SMPDL3A: variants seen among roughly 807,000 people sequenced by gnomAD.
SMPDL3A encodes the protein cyclic GMP-AMP phosphodiesterase SMPDL3A.
SMPDL3A carries 39 observed loss-of-function variants against 38.5 expected under a neutral mutation model. The ratio of observed to expected loss-of-function variants is 1.01; its 90% CI spans 0.78 to 1.32. SMPDL3A has a LOEUF of 1.32. SMPDL3A is among the 40% of genes most tolerant of loss of function. The probability of loss-of-function intolerance (pLI) is 0.00; values close to 1 mark genes in which losing one functional copy is unlikely to be tolerated. For synonymous variants in SMPDL3A, 180 were observed against 194.3 expected (o/e 0.93, Z 0.61); for missense variants, 502 against 536.2 (o/e 0.94, Z 0.63).
At chr6:122,804,885 G>A in intron 5 of SMPDL3A, 24 bp from the exon 6 acceptor site, 6 of 1,580,996 alleles carry the variant, frequency 3.8e-6, no homozygotes, top group Non-Finnish European at 5.1e-6. Flanking sequence ...TTCTCATGAG[G>A]CCTTTTTGTG....
chr6:122,806,340 C>T lies in SMPDL3A; in HGVS notation c.1027C>T (p.Arg343Cys), dbSNP rs774338598. The stretch of plus-strand genomic sequence containing the variant: ...TATCAGACTGTTTCAGTATGATCCT[C>T]GTGATTATAAATTATTGGTAAGTTG... Reference protein sequence around the residue: ...PGIRLFQYDPRDYKLLDMLQY... With the variant: ...PGIRLFQYDPCDYKLLDMLQY... The change falls in exon 7 of 8, where the codon CGT (arginine) becomes TGT (cysteine). Residue 343 changes from arginine to cysteine, a missense_variant. Physicochemically the swap from Arg to Cys is radical, Grantham distance 180. Transcript: ENST00000368440. 14 of 1,607,772 alleles carry T rather than the reference C, an allele frequency of 8.7e-6. No homozygotes were observed. In the East Asian group the frequency reaches 8.9e-5, roughly 10 times the overall value.
chr6:122,797,592 C>T (rs537993477), intron 3 of SMPDL3A, among the ~76,000 whole-genome samples: 73 of 152,222 alleles, frequency 4.8e-4, no homozygotes, highest in Middle Eastern at 3.4e-3. Context: ...GATGGCCGTC[C>T]GGTTTACAGC....
intron 3 of SMPDL3A, among the ~76,000 whole-genome samples, chr6:122,800,580 A>G (rs960517426): frequency 6.6e-6 from 1 of 152,084 alleles, no homozygotes; most frequent in African/African-American, 2.4e-5. Flanking sequence ...ACACCTATGG[A>G]ACTCTGTGCT....
intron 2 of SMPDL3A, 130 bp downstream of exon 2, chr6:122,796,020 G>T (rs1781239038): frequency 1.5e-6 from 1 of 689,090 alleles, no homozygotes; most frequent in Non-Finnish European, 2.4e-6. Flanking sequence ...AAAACACTAG[G>T]TCAAACTAAT....
chr6:122,799,964 T>C (rs927331957), intron 3 of SMPDL3A, among the ~76,000 whole-genome samples: 23 of 141,226 alleles, frequency 1.6e-4, no homozygotes, highest in African/African-American at 6.7e-4. Flanking sequence ...GTATTTACTT[T>C]TTTTTTTTTT....
chr6:122,795,842 A>G lies in SMPDL3A; in HGVS notation c.278A>G (p.Asp93Gly), dbSNP rs145198779. The change falls in exon 2 of 8, where the codon GAT becomes GGT. Residue 93 changes from aspartate to glycine, a missense_variant. Transcript: ENST00000368440. ...TATCAACTTATTTTGTCAGCATTTG[A>G]TTTTATTAAAAATTCTGGACAAGAA... ...SPYQLILSAFDFIKNSGQEAS... is the reference protein window; with the variant it reads ...SPYQLILSAFGFIKNSGQEAS... The G allele has an allele frequency of 1.2e-6, 2 of 1,613,994 alleles. No individual in the cohort carries two copies. The highest frequency in any genetic ancestry group is 1.7e-5 in the Admixed American group (1 of 60,006).
chr6:122,803,551 T>C (rs916607087), intron 4 of SMPDL3A, 113 bp from the exon 5 acceptor site: 5 of 736,658 alleles, frequency 6.8e-6, no homozygotes, highest in African/African-American at 3.6e-5. Flanking sequence ...AACTAAACAA[T>C]GAGAAATAAG....
chr6:122,808,647 CCTCCTCCCCCCTCCCTCCCT>C (rs796935591), intron 7 of SMPDL3A, among the ~76,000 whole-genome samples: 1 of 55,870 alleles, frequency 1.8e-5, no homozygotes, highest in South Asian at 1.4e-3. Flanking sequence ...TCCTTCCCCC[CCTCCTCCCCCCTCCCTCCCT>C]CTCCTTCTTT....
At position 122,795,741 on chromosome 6, in the gene SMPDL3A, A is replaced by G. The variant is rs774289503; in HGVS notation, c.177A>G (p.Thr59=). Residue 59 remains threonine, a synonymous_variant, in exon 2 of 8, where the codon ACA becomes ACG. Transcript: ENST00000368440. The part of the protein sequence containing the change: ...DPTYHITDDH[T]KVCASSKGAN... ...CTTACCACATCACAGATGACCACAC[A>G]AAAGTGTGTGCTTCATCTAAAGGTG... is the stretch of plus-strand genomic sequence containing the variant. 28 of 1,614,040 alleles carry G rather than the reference A, an allele frequency of 1.7e-5. No homozygotes were observed. Among genetic ancestry groups the G allele is most frequent in the Non-Finnish European group, 2.3e-5 (27 of 1,180,028 alleles).
rs542277845 is a variant in SMPDL3A at position 122,809,206 on chromosome 6, G to A, written c.1160G>A (p.Ser387Asn). 558 of 1,614,166 alleles carry A rather than the reference G, an allele frequency of 3.5e-4. 4 individuals carry two copies. The South Asian group carries it at 5.9e-3, about 17-fold the overall frequency. Residue 387 changes from serine to asparagine, a missense_variant, in exon 8 of 8, where the codon AGT (serine) becomes AAT (asparagine). Physicochemically the swap from Ser to Asn is conservative, Grantham distance 46. Coordinates refer to ENST00000368440, the MANE Select transcript of SMPDL3A (RefSeq NM_006714.5). The stretch of plus-strand genomic sequence containing the variant: ...GACATTGAAGATTTGCAGCCGGAAA[G>A]TTTATATGGATTAGCTAAACAATTT... ...TYDIEDLQPE[S>N]LYGLAKQFTI...
chr6:122,792,482 G>A (rs1227656824), intron 1 of SMPDL3A, among the ~76,000 whole-genome samples: 2 of 152,126 alleles, frequency 1.3e-5, no homozygotes, highest in Non-Finnish European at 2.9e-5. Flanking sequence ...ATAAATCTAG[G>A]TACTAAATTA....
chr6:122,803,641 G>A (rs773752623), intron 4 of SMPDL3A, 23 bp from the exon 5 acceptor site: 2 of 1,581,652 alleles, frequency 1.3e-6, no homozygotes, highest in African/African-American at 1.4e-5. Flanking sequence ...TTTCCTAAAT[G>A]TGTTTTAAAA....
intron 3 of SMPDL3A, among the ~76,000 whole-genome samples, chr6:122,800,742 G>T (rs1377926819): frequency 2.0e-5 from 3 of 151,576 alleles, no homozygotes; most frequent in East Asian, 1.9e-4. Context: ...TTTTTTGTTT[G>T]TTTGTTTGTT....
At chr6:122,789,549 C>A in intron 1 of SMPDL3A, 91 bp downstream of exon 1, 2 of 1,166,126 alleles carry the variant, frequency 1.7e-6, no homozygotes, top group Non-Finnish European at 2.5e-6. Context: ...GTGGGGGCAG[C>A]TGCCCCCGGC....
At chr6:122,808,469 G>A (rs959079428) in intron 7 of SMPDL3A, among the ~76,000 whole-genome samples, 1 of 152,144 alleles carries the variant, frequency 6.6e-6, no homozygotes, top group African/African-American at 2.4e-5. Flanking sequence ...TACCTCTGAG[G>A]ATGTGTGAAT....
chr6:122,797,776 T>G lies in SMPDL3A; in HGVS notation c.471+808T>G, dbSNP rs140103334. Among the ~76,000 whole-genome samples the G allele has an allele frequency of 1.1e-3, 169 of 152,332 alleles. 1 individual carries two copies. The highest frequency in any genetic ancestry group is 3.9e-3 in the African/African-American group (163 of 41,584). On this transcript the variant is annotated intron_variant, in intron 3 of 7. Coordinates refer to ENST00000368440, the MANE Select transcript of SMPDL3A (RefSeq NM_006714.5). Reference sequence around the variant, plus strand: ...TCATTCTACATTGCTTTTGATTGTTTCATGTTTCAGAATAGAGCAGTTGAA... The same window carrying G: ...TCATTCTACATTGCTTTTGATTGTTGCATGTTTCAGAATAGAGCAGTTGAA...
chr6:122,800,877 A>G (rs972287606), intron 3 of SMPDL3A, among the ~76,000 whole-genome samples: 8 of 151,992 alleles, frequency 5.3e-5, no homozygotes, highest in Non-Finnish European at 7.4e-5. Flanking sequence ...CAGCCTCCCA[A>G]GTAGCTATGA....
At chr6:122,800,423 A>T (rs1037975931) in intron 3 of SMPDL3A, among the ~76,000 whole-genome samples, 2 of 152,200 alleles carry the variant, frequency 1.3e-5, no homozygotes, top group Non-Finnish European at 2.9e-5. Context: ...CTAAAACATG[A>T]TGTTTTCCCG....
At chr6:122,807,084 G>T (rs557171011) in intron 7 of SMPDL3A, among the ~76,000 whole-genome samples, 3 of 64,522 alleles carry the variant, frequency 4.6e-5, no homozygotes, top group African/African-American at 1.3e-4. Flanking sequence ...GTAGAGATGG[G>T]GGGGGGGGGT....
Sources: allele counts gnomAD v4.1 joint callset (sites outside exome capture counted in the v4.1 genomes callset), GRCh38; gene constraint gnomAD v4.1.1; transcripts MANE v1.5; gene names NCBI Gene and HGNC (gene_info 2026-07-23, HGNC 2026-07-21).